Variants in CRTC1 observed in about 807,000 individuals in gnomAD.
CRTC1 encodes CREB regulated transcription coactivator 1.
A neutral mutation model predicts 66.1 loss-of-function variants in CRTC1; 18 were observed. That is an observed-to-expected ratio of 0.27 (90% CI 0.19 to 0.40). The LOEUF is 0.40. Ranked by LOEUF, CRTC1 falls within the 10% of genes least tolerant of loss-of-function variation. The probability of loss-of-function intolerance (pLI) is 1.00; values close to 1 mark genes in which losing one functional copy is unlikely to be tolerated. For synonymous variants in CRTC1, 416 were observed against 398.8 expected, an observed-to-expected ratio of 1.04 and a Z score of -0.51; for missense variants, 669 against 887.9, an observed-to-expected ratio of 0.75 and a Z score of 3.13.
At chr19:18,698,649 G>A (rs955431786) in intron 1 of CRTC1, among the ~76,000 whole-genome samples, 1 of 151,610 alleles carries the variant, frequency 6.6e-6, no homozygotes, top group Non-Finnish European at 1.5e-5. Context: ...CAGATGCGCA[G>A]TGTGTACTCA....
chr19:18,725,818 G>A (rs943679063), intron 1 of CRTC1, among the ~76,000 whole-genome samples: 6 of 152,148 alleles, frequency 3.9e-5, no homozygotes, highest in African/African-American at 7.2e-5. Context: ...TACAGGGTCC[G>A]CCTCGGCCCT....
chr19:18,742,168 G>C (rs2054126067), intron 1 of CRTC1, among the ~76,000 whole-genome samples: 1 of 152,208 alleles, frequency 6.6e-6, no homozygotes, highest in Non-Finnish European at 1.5e-5. Context: ...GCCACATGAA[G>C]GGGAGGAGGC....
intron 8 of CRTC1, among the ~76,000 whole-genome samples, chr19:18,764,925 CA>C (rs1264095731): frequency 6.6e-6 from 1 of 152,090 alleles, no homozygotes; most frequent in African/African-American, 2.4e-5. Context: ...AAGCCATTTT[CA>C]GCCAAAAAAA....
At chr19:18,776,191 C>T (rs564857087) in intron 13 of CRTC1, among the ~76,000 whole-genome samples, 5 of 152,350 alleles carry the variant, frequency 3.3e-5, no homozygotes, top group African/African-American at 4.8e-5. Flanking sequence ...GGGTCAGGGA[C>T]GGCTGTGGGG....
rs1346647789 is a variant in CRTC1, at chr19:18,780,772, T to C, written c.*3390T>C. 1.4e-5 allele frequency: 3 copies of C among 218,984 alleles called. No individual in the cohort carries two copies. The highest frequency in any genetic ancestry group is 2.8e-5 in the Non-Finnish European group (3 of 108,980). 13.6% of individuals were successfully genotyped at this position (218,984 alleles called of 1,614,324 possible). A position where few individuals can be genotyped will look rare whatever the true frequency, so the allele number is the denominator to read the frequency against. ...TCGGACTCCTGGGCTCAAGCAGTCC[T>C]CCCTCCTCGGCCTCCCAAAGTTCTG... On this transcript the variant is annotated 3_prime_UTR_variant, in exon 14 of 14. Coordinates refer to ENST00000321949, the MANE Select transcript of CRTC1 (RefSeq NM_015321.3).
intron 1 of CRTC1, among the ~76,000 whole-genome samples, chr19:18,730,493 G>A (rs969120894): frequency 6.6e-5 from 10 of 152,050 alleles, no homozygotes; most frequent in Non-Finnish European, 8.8e-5. Flanking sequence ...GCCCTGCCGT[G>A]GAGTCACCGG....
intron 1 of CRTC1, among the ~76,000 whole-genome samples, chr19:18,693,874 C>G (rs1421716081): frequency 6.6e-6 from 1 of 151,932 alleles, no homozygotes; most frequent in Non-Finnish European, 1.5e-5. Context: ...TGGCTCACAC[C>G]TGTCATCCCA....
In CRTC1 at chr19:18,760,045, C is replaced by G. The variant is rs1309049735; in HGVS notation, c.703C>G (p.Leu235Val). 6.2e-7 allele frequency: 1 copy of G among 1,608,752 alleles called. No individual in the cohort carries two copies. Among genetic ancestry groups the G allele is most frequent in the Non-Finnish European group, 8.5e-7 (1 of 1,176,010 alleles). Residue 235 changes from leucine to valine, a missense_variant, in exon 8 of 14, where the codon CTG becomes GTG. Leu to Val is a conservative substitution (Grantham distance 32). Transcript: ENST00000321949. The surrounding 1 kb of genome is among the most constrained non-coding windows in gnomAD (Gnocchi z 6.2). Reference protein sequence around the residue: ...PSADQENTTALIPATHNTGGS... With the variant: ...PSADQENTTAVIPATHNTGGS... ...TGCCGACCAGGAAAACACTACAGCC[C>G]TGATCCCCGCCACCCACAACACAGG...
At chr19:18,759,432 C>G in intron 6 of CRTC1, 119 bp from the exon 7 acceptor site, 2 of 1,068,820 alleles carry the variant, frequency 1.9e-6, no homozygotes, top group Non-Finnish European at 2.7e-6. Context: ...AAGCTTGGTT[C>G]TCATGATGCA....
At chr19:18,688,472 C>G (rs527832134) in intron 1 of CRTC1, among the ~76,000 whole-genome samples, 1 of 151,832 alleles carries the variant, frequency 6.6e-6, no homozygotes, top group African/African-American at 2.4e-5. Flanking sequence ...AGGAGCCCCC[C>G]CTGTCGCCCA....
Position 18,765,414 on chromosome 19 carries a change from A to G in CRTC1, c.897A>G (p.Thr299=), listed in dbSNP as rs1159817382. 5 of 1,612,444 alleles carry G rather than the reference A, an allele frequency of 3.1e-6. No homozygotes were observed. The Admixed American group carries it at 8.3e-5, about 27-fold the overall frequency. Residue 299 remains threonine (T), a synonymous_variant, in exon 9 of 14, where the codon ACA becomes ACG. Transcript: ENST00000321949. ...CTACTTCCTCTCTAGGAATGAGCAC[A>G]CCTGGCTCCTCTCCACAGCACCGCC... The part of the protein sequence containing the change: ...GIGGAGQGMS[T]PGSSPQHRPA...
At position 18,744,186 on chromosome 19, in the gene CRTC1, G is replaced by A. The variant is rs369676089; in HGVS notation, c.243+1160G>A. 532 of 1,604,078 alleles carry A rather than the reference G, an allele frequency of 3.3e-4. 1 individual carries two copies. Among genetic ancestry groups the A allele is most frequent in the East Asian group, 5.8e-4 (26 of 44,744 alleles). ...TGAGCCCCCAGGCTGAGGCCGCGGCGTCCCCGGCGCCAGCCTGCAAGACCC... is the reference window on the plus strand; with the variant it reads ...TGAGCCCCCAGGCTGAGGCCGCGGCATCCCCGGCGCCAGCCTGCAAGACCC... On this transcript the variant is annotated intron_variant, in intron 2 of 13. Transcript: ENST00000321949.
chr19:18,747,531 GGAGGCT>G (rs1023555797), intron 4 of CRTC1, among the ~76,000 whole-genome samples: 2 of 152,310 alleles, frequency 1.3e-5, no homozygotes, highest in African/African-American at 4.8e-5. Context: ...CAGCTACTCA[GGAGGCT>G]GAGGCGGGAT....
intron 1 of CRTC1, among the ~76,000 whole-genome samples, chr19:18,710,332 C>G (rs987240151): frequency 6.6e-6 from 1 of 152,332 alleles, no homozygotes; most frequent in African/African-American, 2.4e-5. Context: ...CTCCCCGTTC[C>G]TCGACGTCCC....
chr19:18,748,652 A>C (rs1047320660), intron 4 of CRTC1, among the ~76,000 whole-genome samples: 1 of 149,622 alleles, frequency 6.7e-6, no homozygotes, highest in Non-Finnish European at 1.5e-5. Context: ...GTGAGCTATG[A>C]TCATGCCACT....
At chr19:18,752,147 C>CAAA (rs35618318) in intron 5 of CRTC1, among the ~76,000 whole-genome samples, 9 of 90,614 alleles carry the variant, frequency 9.9e-5, no homozygotes, top group African/African-American at 3.4e-4. Context: ...AAGACTGTCT[C>CAAA]AAAAAAAAAA....
chr19:18,722,120 A>G (rs2053642262), intron 1 of CRTC1, among the ~76,000 whole-genome samples: 1 of 152,228 alleles, frequency 6.6e-6, no homozygotes, highest in South Asian at 2.1e-4. Context: ...GCATCCGCTG[A>G]CTAAGTTCCA....
rs142287704 is a variant in CRTC1 at position 18,743,841 on chromosome 19, C to T, written c.243+815C>T. Among the ~76,000 whole-genome samples the T allele has an allele frequency of 5.2e-3, 795 of 152,352 alleles. 5 individuals carry two copies. Among genetic ancestry groups the T allele is most frequent in the Non-Finnish European group, 7.8e-3 (531 of 68,030 alleles). ...AGTGCGGGCCATCACTGATGCTGGG[C>T]GTGTTCTTTGTCACAGCCCTTCCTG... On this transcript the variant is annotated intron_variant, in intron 2 of 13. Transcript: ENST00000321949.
intron 1 of CRTC1, among the ~76,000 whole-genome samples, chr19:18,695,169 C>G (rs576160298): frequency 1.3e-5 from 2 of 152,228 alleles, no homozygotes; most frequent in Admixed American, 1.3e-4. Flanking sequence ...ATGTGCCCAG[C>G]TAATTTTTGT....
Sources: gnomAD v4.1 joint callset for allele counts (sites outside exome capture counted in the v4.1 genomes callset) on GRCh38, gnomAD v4.1.1 for gene constraint, Gnocchi (gnomAD v3.1) non-coding constraint, MANE v1.5 for transcripts, NCBI Gene and HGNC (gene_info 2026-07-23, HGNC 2026-07-21) for gene names.